UBE2E2: variants seen among roughly 807,000 people sequenced by gnomAD.
UBE2E2 encodes the protein ubiquitin-conjugating enzyme E2 E2.
A neutral mutation model predicts 24.7 loss-of-function variants in UBE2E2; 6 were observed. That is an observed-to-expected ratio of 0.24 (90% CI 0.13 to 0.48). The LOEUF (loss-of-function observed/expected upper bound fraction) is 0.48, where lower values mean the gene tolerates loss of function less well. Among genes scored for constraint, UBE2E2 ranks in the 20% least tolerant of loss-of-function variants. The pLI, the probability that UBE2E2 is intolerant of heterozygous loss-of-function variation, is 0.99. For synonymous variants in UBE2E2, 104 were observed against 83.6 expected, an observed-to-expected ratio of 1.24 and a Z score of -1.33; for missense variants, 169 against 245.0, an observed-to-expected ratio of 0.69 and a Z score of 2.07.
At chr3:23,320,860 C>G (rs1345632755) in intron 3 of UBE2E2, among the ~76,000 whole-genome samples, 1 of 152,162 alleles carries the variant, frequency 6.6e-6, no homozygotes, top group East Asian at 1.9e-4. Context: ...TCCACTAATT[C>G]CTAACAGTAT....
chr3:23,230,721 G>A (rs558564464), intron 3 of UBE2E2, among the ~76,000 whole-genome samples: 3 of 151,826 alleles, frequency 2.0e-5, no homozygotes, highest in South Asian at 4.2e-4. Flanking sequence ...GGGAGGCAGA[G>A]GTTGCAGTGA....
At chr3:23,467,789 T>C (rs1698953724) in intron 3 of UBE2E2, among the ~76,000 whole-genome samples, 1 of 152,158 alleles carries the variant, frequency 6.6e-6, no homozygotes. Context: ...GCTCACAGTT[T>C]TGTGAGCTGT....
intron 3 of UBE2E2, among the ~76,000 whole-genome samples, chr3:23,444,198 G>A (rs900842666): frequency 1.4e-5 from 2 of 147,998 alleles, no homozygotes; most frequent in Non-Finnish European, 1.5e-5. Context: ...CCCATTTATT[G>A]TAACCGCTGG....
rs529315065 is a variant in UBE2E2 at position 23,399,343 on chromosome 3, A to G, written c.228-100265A>G. On this transcript the variant is annotated intron_variant, in intron 3 of 5. Transcript: ENST00000396703. ...TTGAACACAACACTGAGATATCCTGATAACTGAGATCTGGTAACTGAGATG... is the reference window on the plus strand; with the variant it reads ...TTGAACACAACACTGAGATATCCTGGTAACTGAGATCTGGTAACTGAGATG... Among the ~76,000 whole-genome samples the G allele has an allele frequency of 9.5e-4, 145 of 152,304 alleles. 1 individual carries two copies. The highest frequency in any genetic ancestry group is 3.4e-3 in the African/African-American group (143 of 41,566).
At chr3:23,231,336 C>T (rs1419947095) in intron 3 of UBE2E2, among the ~76,000 whole-genome samples, 1 of 152,088 alleles carries the variant, frequency 6.6e-6, no homozygotes, top group East Asian at 1.9e-4. Flanking sequence ...CTTTTATTTC[C>T]TTCTTTCCTC....
intron 3 of UBE2E2, among the ~76,000 whole-genome samples, chr3:23,486,018 C>T (rs552020202): frequency 1.3e-5 from 2 of 152,274 alleles, no homozygotes; most frequent in South Asian, 2.1e-4. Context: ...TGACCAGCAG[C>T]GCCTCTGCTT....
intron 3 of UBE2E2, among the ~76,000 whole-genome samples, chr3:23,443,885 G>C (rs1466738118): frequency 6.6e-6 from 1 of 152,158 alleles, no homozygotes. Context: ...CCTGAGATCA[G>C]AGGTTATGTG....
At chr3:23,339,517 G>T (rs1417488437) in intron 3 of UBE2E2, among the ~76,000 whole-genome samples, 1 of 152,034 alleles carries the variant, frequency 6.6e-6, no homozygotes, top group Non-Finnish European at 1.5e-5. Flanking sequence ...TTTGTGTAAT[G>T]CTTTGTAAAG....
At chr3:23,421,378 A>G (rs186838694) in intron 3 of UBE2E2, among the ~76,000 whole-genome samples, 1 of 152,312 alleles carries the variant, frequency 6.6e-6, no homozygotes, top group East Asian at 1.9e-4. Context: ...TGATTGGATA[A>G]AGAAAATGTG....
Position 23,236,462 on chromosome 3 carries a change from G to A in UBE2E2, c.227+19150G>A, listed in dbSNP as rs191970145. Among the ~76,000 whole-genome samples, 11 of 149,590 alleles carry A rather than the reference G, an allele frequency of 7.4e-5. No homozygotes were observed. The East Asian group carries it at 2.0e-3, about 27-fold the overall frequency. On this transcript the variant is annotated intron_variant, in intron 3 of 5. Transcript: ENST00000396703. ...CAGTCAGGCTTTGGGACTTAAAAAT[G>A]CTTTTGAGGATTCTTAGGTCCTTTT...
In UBE2E2 at chr3:23,474,949, A is replaced by G. The variant is rs760488262; in HGVS notation, c.228-24659A>G. ...TCTTAACCCACAACCGATGACAAGC[A>G]TTTCACTCAAATTGCTCCTCTCAAA... On this transcript the variant is annotated intron_variant, in intron 3 of 5. Transcript: ENST00000396703. This position sits in a 1 kb window ranked among gnomAD's most constrained non-coding sequence, Gnocchi z 4.0. Among the ~76,000 whole-genome samples the G allele has an allele frequency of 6.6e-6, 1 of 152,044 alleles. No individual in the cohort carries two copies. The highest frequency in any genetic ancestry group is 1.5e-5 in the Non-Finnish European group (1 of 68,036).
intron 3 of UBE2E2, among the ~76,000 whole-genome samples, chr3:23,438,828 A>G (rs1698236718): frequency 6.6e-6 from 1 of 152,234 alleles, no homozygotes; most frequent in African/African-American, 2.4e-5. Context: ...AAACCATAAA[A>G]GAATCAGAAT....
rs139890114 is a variant in UBE2E2 at position 23,494,064 on chromosome 3, G to C, written c.228-5544G>C. 5.1e-4 allele frequency among the ~76,000 whole-genome samples: 78 copies of C among 152,288 alleles called. 2 individuals carry two copies. The East Asian group carries it at 0.014, about 27-fold the overall frequency. ...TAACAGGCTTTAAATGCCAAGGCTA[G>C]GATTCAGACAACTTAGTCTGACTCC... On this transcript the variant is annotated intron_variant, in intron 3 of 5. Coordinates refer to ENST00000396703, the MANE Select transcript of UBE2E2 (RefSeq NM_152653.4).
chr3:23,575,382 G>A (rs111656377), intron 5 of UBE2E2, among the ~76,000 whole-genome samples: 3,384 of 152,122 alleles, frequency 0.022, 142 homozygotes, highest in African/African-American at 0.076. Flanking sequence ...TGCCTATTCC[G>A]TCTTCCAAAA....
At chr3:23,364,925 GATC>G (rs1256638654) in intron 3 of UBE2E2, among the ~76,000 whole-genome samples, 1 of 152,138 alleles carries the variant, frequency 6.6e-6, no homozygotes. Context: ...AATCCACTGT[GATC>G]AAGTAAGCTT....
Position 23,585,532 on chromosome 3 carries a change from G to C in UBE2E2, c.509-4202G>C, listed in dbSNP as rs190351321. 1.0e-3 allele frequency among the ~76,000 whole-genome samples: 155 copies of C among 152,192 alleles called. 2 individuals are homozygous for C. The highest frequency in any genetic ancestry group is 3.6e-3 in the African/African-American group (148 of 41,522). On this transcript the variant is annotated intron_variant, in intron 5 of 5. Coordinates refer to ENST00000396703, the MANE Select transcript of UBE2E2 (RefSeq NM_152653.4). ...GGAAACCTCTAATACATGCCGTACT[G>C]GTGTTTGGGAGAATTAAGTACTTGA...
At chr3:23,442,035 T>C (rs184028714) in intron 3 of UBE2E2, among the ~76,000 whole-genome samples, 17 of 152,312 alleles carry the variant, frequency 1.1e-4, no homozygotes, top group African/African-American at 4.1e-4. Flanking sequence ...TCTGTGACTT[T>C]TATATTGTTG....
chr3:23,519,034 T>C (rs1694804398), intron 4 of UBE2E2, among the ~76,000 whole-genome samples: 1 of 152,222 alleles, frequency 6.6e-6, no homozygotes, highest in African/African-American at 2.4e-5. Context: ...TCTCCTAAAC[T>C]GCAGGATGAA....
At chr3:23,524,470 T>C (rs1559411155) in intron 4 of UBE2E2, among the ~76,000 whole-genome samples, 1 of 152,190 alleles carries the variant, frequency 6.6e-6, no homozygotes, top group Admixed American at 6.5e-5. Flanking sequence ...ATAGCTGTTA[T>C]TTTCCTCATT....
Sources: allele counts gnomAD v4.1 joint callset (sites outside exome capture counted in the v4.1 genomes callset), GRCh38; gene constraint gnomAD v4.1.1; non-coding constraint Gnocchi (gnomAD v3.1); transcripts MANE v1.5; gene names NCBI Gene and HGNC (gene_info 2026-07-23, HGNC 2026-07-21).